Variants in TTC23 observed in about 807,000 individuals in gnomAD.
TTC23 encodes tetratricopeptide repeat domain 23.
Under a neutral mutation model 55.1 loss-of-function variants are expected in TTC23, and 58 were observed. The observed-to-expected ratio is 1.05, with a 90% confidence interval of 0.85 to 1.31. The LOEUF (loss-of-function observed/expected upper bound fraction) is 1.31. TTC23 is among the 50% of genes most tolerant of loss of function. The pLI is 0.00. For synonymous variants in TTC23, 203 were observed against 199.9 expected (o/e 1.02, Z -0.13); for missense variants, 516 against 534.4 (o/e 0.97, Z 0.34).
chr15:99,175,537 A>C (rs1311403347), intron 9 of TTC23, among the ~76,000 whole-genome samples: 1 of 152,242 alleles, frequency 6.6e-6, no homozygotes, highest in African/African-American at 2.4e-5. Context: ...CGCCAGCCCC[A>C]AAAGTGGGAC....
At chr15:99,177,165 T>C (rs1048897177) in intron 9 of TTC23, among the ~76,000 whole-genome samples, 11 of 152,240 alleles carry the variant, frequency 7.2e-5, no homozygotes, top group Non-Finnish European at 8.8e-5. Context: ...TAAAATCTGC[T>C]AAGCTACTAG....
At chr15:99,229,055 C>T (rs2078717783) in intron 4 of TTC23, among the ~76,000 whole-genome samples, 2 of 102,412 alleles carry the variant, frequency 2.0e-5, no homozygotes, top group Admixed American at 2.3e-4. Context: ...AGAAATTAGC[C>T]TAGCACATAC....
At position 99,139,404 on chromosome 15, in the gene TTC23, A is replaced by G. The variant is rs782616638; in HGVS notation, c.1144-5T>C. The G allele has an allele frequency of 6.2e-7, 1 of 1,614,154 alleles. No individual in the cohort carries two copies. The highest frequency in any genetic ancestry group is 8.5e-7 in the Non-Finnish European group (1 of 1,180,030). The stretch of plus-strand genomic sequence containing the variant: ...GAGGGTCTGGATCTGGAGACACTGT[A>G]GAACACCAAGCAGCTATCATGAGGC... On this transcript the variant is annotated splice_polypyrimidine_tract_variant and splice_region_variant and intron_variant, in intron 12 of 13. Transcript: ENST00000394132.
At chr15:99,237,723 A>C (rs2079438503) in intron 3 of TTC23, among the ~76,000 whole-genome samples, 1 of 152,142 alleles carries the variant, frequency 6.6e-6, no homozygotes, top group Admixed American at 6.5e-5. Context: ...GGGCATGAGG[A>C]AACTTTTTGT....
At chr15:99,168,190 G>A (rs1171835146) in intron 10 of TTC23, among the ~76,000 whole-genome samples, 1 of 152,222 alleles carries the variant, frequency 6.6e-6, no homozygotes, top group Non-Finnish European at 1.5e-5. Flanking sequence ...CTACTCACTA[G>A]CTGTGTGATA....
At chr15:99,216,111 G>T (rs73469342) in intron 8 of TTC23, among the ~76,000 whole-genome samples, 1,983 of 152,202 alleles carry the variant, frequency 0.013, 47 homozygotes, top group African/African-American at 0.046. Context: ...ATATAACAAT[G>T]CAATACAATT....
At chr15:99,245,963 T>G (rs2080208317) in intron 1 of TTC23, among the ~76,000 whole-genome samples, 1 of 151,784 alleles carries the variant, frequency 6.6e-6, no homozygotes, top group African/African-American at 2.4e-5. Context: ...GGATTACAGG[T>G]GCCTACCACC....
chr15:99,175,364 G>A (rs1374389622), intron 9 of TTC23, among the ~76,000 whole-genome samples: 1 of 152,222 alleles, frequency 6.6e-6, no homozygotes, highest in Non-Finnish European at 1.5e-5. Context: ...GAATCCAGAT[G>A]GCTCAATGCT....
intron 8 of TTC23, among the ~76,000 whole-genome samples, chr15:99,210,329 G>A (rs1395726550): frequency 2.0e-5 from 3 of 152,072 alleles, no homozygotes; most frequent in Admixed American, 6.6e-5. Flanking sequence ...GTGCCATGTG[G>A]TTTTTCTTTG....
intron 9 of TTC23, among the ~76,000 whole-genome samples, chr15:99,185,931 A>C (rs574517671): frequency 1.3e-5 from 2 of 152,314 alleles, no homozygotes; most frequent in East Asian, 3.9e-4. Flanking sequence ...AGGAAATAAA[A>C]GGTCTTTTCT....
At chr15:99,190,800 G>A (rs554426502) in intron 9 of TTC23, among the ~76,000 whole-genome samples, 2 of 151,356 alleles carry the variant, frequency 1.3e-5, no homozygotes, top group Admixed American at 6.6e-5. Flanking sequence ...TTTTTTTTGA[G>A]ACAGGGTGAA....
In TTC23 at chr15:99,137,681, C is replaced by T. The variant is rs1212706548; in HGVS notation, c.*329G>A. On this transcript the variant is annotated 3_prime_UTR_variant, in exon 14 of 14. Coordinates refer to ENST00000394132, the MANE Select transcript of TTC23 (RefSeq NM_001288615.3). ...AGGAGCTGTGTGTACAAGCAGATGC[C>T]GGGCTGACTCCTGCACAGGGCGCAC... 5.5e-5 allele frequency: 15 copies of T among 271,194 alleles called. No individual in the cohort carries two copies. Among genetic ancestry groups the T allele is most frequent in the Admixed American group, 4.5e-4 (10 of 22,354 alleles). The allele number at this position is 271,194 out of a possible 1,614,324, so 16.8% of individuals were successfully genotyped here.
intron 8 of TTC23, among the ~76,000 whole-genome samples, chr15:99,217,017 A>C (rs1003119675): frequency 6.6e-6 from 1 of 152,240 alleles, no homozygotes; most frequent in African/African-American, 2.4e-5. Flanking sequence ...AACAAAATAC[A>C]ACAAATGCAT....
chr15:99,228,619 G>A lies in TTC23; in HGVS notation c.94C>T (p.Leu32=). ...GGCTGGAATAGTGCTGTCTGAAGCAGCTTGTTTTGGAACTTCTTTCTATGA... is the reference window on the plus strand; with the variant it reads ...GGCTGGAATAGTGCTGTCTGAAGCAACTTGTTTTGGAACTTCTTTCTATGA... ...ITHRKKFQNK[L]LQTALFQPPR... is the part of the protein sequence containing the mutation. Residue 32 remains leucine, a synonymous_variant, in exon 5 of 14, where the codon CTG becomes TTG. Transcript: ENST00000394132. The A allele has an allele frequency of 6.2e-7, 1 of 1,613,998 alleles. No homozygotes were observed. The highest frequency in any genetic ancestry group is 1.1e-5 in the South Asian group (1 of 91,042).
intron 1 of TTC23, among the ~76,000 whole-genome samples, chr15:99,247,444 C>T (rs191481515): frequency 6.6e-6 from 1 of 152,234 alleles, no homozygotes; most frequent in Non-Finnish European, 1.5e-5. Flanking sequence ...TACAATTAAA[C>T]ACTATATTTA....
chr15:99,178,603 A>C (rs1447532547), intron 9 of TTC23, among the ~76,000 whole-genome samples: 5 of 152,238 alleles, frequency 3.3e-5, no homozygotes, highest in Non-Finnish European at 7.3e-5. Context: ...CATGTGAACT[A>C]CAAAAATGTA....
chr15:99,192,678 A>C (rs558259823), intron 9 of TTC23, among the ~76,000 whole-genome samples: 27 of 152,182 alleles, frequency 1.8e-4, no homozygotes, highest in Non-Finnish European at 3.4e-4. Flanking sequence ...GCAGTACAGA[A>C]GGGAAATGTG....
At position 99,155,843 on chromosome 15, in the gene TTC23, C is replaced by T. The variant is rs577899517; in HGVS notation, c.1143+305G>A. On this transcript the variant is annotated intron_variant, in intron 12 of 13. Transcript: ENST00000394132. ...TTGAAGAAAGTGTAAGAGAATTCCT[C>T]TATAAACTCAGTATAGAGAGAGCAC... 1.0e-4 allele frequency: 41 copies of T among 410,766 alleles called. 1 individual carries two copies. Among genetic ancestry groups the T allele is most frequent in the African/African-American group, 8.0e-4 (40 of 49,924 alleles). 25.4% of individuals were successfully genotyped at this position (410,766 alleles called of 1,614,324 possible).
At chr15:99,211,921 C>T (rs2077070037) in intron 8 of TTC23, among the ~76,000 whole-genome samples, 2 of 152,064 alleles carry the variant, frequency 1.3e-5, no homozygotes, top group Non-Finnish European at 2.9e-5. Flanking sequence ...TCTTGAACTC[C>T]GGGCCTCAAG....
Sources: allele counts gnomAD v4.1 joint callset (sites outside exome capture counted in the v4.1 genomes callset), GRCh38; gene constraint gnomAD v4.1.1; transcripts MANE v1.5; gene names NCBI Gene and HGNC (gene_info 2026-07-23, HGNC 2026-07-21).